RNGTT: variants seen among roughly 807,000 people sequenced by gnomAD.
The protein encoded by RNGTT is RNA guanylyltransferase and 5'-phosphatase, also known as mRNA-capping enzyme.
RNGTT carries 33 observed loss-of-function variants against 79.3 expected under a neutral mutation model. That is an observed-to-expected ratio of 0.42 (90% CI 0.32 to 0.56). The LOEUF (loss-of-function observed/expected upper bound fraction) is 0.56, where lower values mean the gene tolerates loss of function less well. Among genes scored for constraint, RNGTT ranks in the 20% least tolerant of loss-of-function variants. The pLI is 0.17. For missense variants in RNGTT, 497 were observed against 739.1 expected, an observed-to-expected ratio of 0.67 and a Z score of 3.80; for synonymous variants, 222 against 235.9, an observed-to-expected ratio of 0.94 and a Z score of 0.54.
Position 88,895,996 on chromosome 6 carries a change from G to A in RNGTT, c.685-4081C>T, listed in dbSNP as rs536335126. 1.6e-4 allele frequency among the ~76,000 whole-genome samples: 25 copies of A among 152,090 alleles called. No individual in the cohort carries two copies. In the South Asian group the frequency reaches 3.9e-3, roughly 24 times the overall value. ...ACCATTTTCTTGAACACCCCGTACC[G>A]TGTCTCAACTAAAAGCTAGCTCTCC... On this transcript the variant is annotated intron_variant, in intron 6 of 15. Transcript: ENST00000369485.
At chr6:88,699,632 T>C (rs934797007) in intron 13 of RNGTT, among the ~76,000 whole-genome samples, 1 of 152,128 alleles carries the variant, frequency 6.6e-6, no homozygotes, top group Non-Finnish European at 1.5e-5. Context: ...GCCACTGTAC[T>C]CAGGTCTGGG....
intron 8 of RNGTT, among the ~76,000 whole-genome samples, chr6:88,868,226 A>T (rs1379757834): frequency 6.6e-6 from 1 of 152,114 alleles, no homozygotes; most frequent in Admixed American, 6.5e-5. Context: ...AGGTGGTCCT[A>T]AACTTCAAGA....
intron 13 of RNGTT, among the ~76,000 whole-genome samples, chr6:88,736,858 G>C (rs1777304383): frequency 6.6e-6 from 1 of 152,162 alleles, no homozygotes; most frequent in Admixed American, 6.5e-5. Context: ...TATCCTTCAA[G>C]AAAAAGTAAC....
intron 15 of RNGTT, among the ~76,000 whole-genome samples, chr6:88,613,416 G>C (rs2127844748): frequency 6.6e-6 from 1 of 152,292 alleles, no homozygotes; most frequent in African/African-American, 2.4e-5. Flanking sequence ...TTTGGTCTTA[G>C]AAGAAAAGAC....
chr6:88,618,845 T>C (rs570715460), intron 14 of RNGTT, among the ~76,000 whole-genome samples: 12 of 152,342 alleles, frequency 7.9e-5, no homozygotes, highest in Non-Finnish European at 1.6e-4. Context: ...TTGGCATTCA[T>C]CTGTAACTCT....
At chr6:88,771,880 T>A (rs747149177) in intron 12 of RNGTT, among the ~76,000 whole-genome samples, 1 of 152,120 alleles carries the variant, frequency 6.6e-6, no homozygotes, top group Non-Finnish European at 1.5e-5. Context: ...AGGACATTTT[T>A]AAAAACTTAC....
chr6:88,610,372 A>C lies in RNGTT; in HGVS notation c.*2347T>G, dbSNP rs1771978551. On this transcript the variant is annotated 3_prime_UTR_variant, in exon 16 of 16. Coordinates refer to ENST00000369485, the MANE Select transcript of RNGTT (RefSeq NM_003800.5). ...CATTTCACGGAAAGCAAATGTAACC[A>C]TCCACGCAGTAGAGTCATCCACACC... 6.5e-6 allele frequency: 1 copy of C among 152,686 alleles called. No individual in the cohort carries two copies. Among genetic ancestry groups the C allele is most frequent in the South Asian group, 2.1e-4 (1 of 4,836 alleles). The allele number at this position is 152,686 out of a possible 1,614,324, so 9.5% of individuals were successfully genotyped here. A position where few individuals can be genotyped will look rare whatever the true frequency, so the allele number is the denominator to read the frequency against.
chr6:88,929,172 C>A lies in RNGTT; in HGVS notation c.270G>T (p.Gln90His), dbSNP rs36124969. The change falls in exon 3 of 16, where the codon CAG becomes CAT. Residue 90 changes from glutamine to histidine, a missense_variant. By Grantham distance (24) the Gln-to-His change is conservative. Around this residue, in one of 3 missense-constraint regions of RNGTT, gnomAD observed 440 missense variants for 671.5 expected, o/e 0.66. Coordinates refer to ENST00000369485, the MANE Select transcript of RNGTT (RefSeq NM_003800.5). ...CTTAATATATAACTTACCCTTTACA[C>A]TGAAGTTTTATATATTTGATTCCTT... The part of the protein sequence containing the change: ...EKEGIKYIKL[Q>H]CKGHGECPTT... 6.3e-7 allele frequency: 1 copy of A among 1,592,314 alleles called. No individual in the cohort carries two copies. The highest frequency in any genetic ancestry group is 8.6e-7 in the Non-Finnish European group (1 of 1,163,354).
chr6:88,852,780 A>G (rs181556582), intron 9 of RNGTT, among the ~76,000 whole-genome samples: 1 of 152,282 alleles, frequency 6.6e-6, no homozygotes. Context: ...ATTCCAATTC[A>G]TATGGTCTAG....
chr6:88,631,812 T>A (rs970052145), intron 14 of RNGTT, among the ~76,000 whole-genome samples: 1 of 81,432 alleles, frequency 1.2e-5, no homozygotes, highest in African/African-American at 5.1e-5. Flanking sequence ...AGGCTATATA[T>A]ATTTTTTGTT....
intron 4 of RNGTT, among the ~76,000 whole-genome samples, chr6:88,927,239 T>C (rs1277879393): frequency 6.6e-6 from 1 of 152,314 alleles, no homozygotes; most frequent in African/African-American, 2.4e-5. Context: ...AAACATTTAA[T>C]TGGGCAGGCA....
intron 8 of RNGTT, among the ~76,000 whole-genome samples, chr6:88,890,007 T>C (rs1782990235): frequency 6.6e-6 from 1 of 152,052 alleles, no homozygotes; most frequent in Admixed American, 6.5e-5. Context: ...AACTTAGAAA[T>C]ATAAAATTTG....
At chr6:88,710,657 T>C (rs1424175393) in intron 13 of RNGTT, among the ~76,000 whole-genome samples, 3 of 152,174 alleles carry the variant, frequency 2.0e-5, no homozygotes, top group African/African-American at 2.4e-5. Flanking sequence ...CACATTTCCA[T>C]TGAATAATAA....
intron 2 of RNGTT, among the ~76,000 whole-genome samples, chr6:88,929,988 A>G (rs917110127): frequency 6.7e-6 from 1 of 148,784 alleles, no homozygotes; most frequent in African/African-American, 2.5e-5. Flanking sequence ...ATGTGCATAT[A>G]CATGTATACA....
At chr6:88,871,355 T>TG (rs1782349400) in intron 8 of RNGTT, among the ~76,000 whole-genome samples, 6 of 149,078 alleles carry the variant, frequency 4.0e-5, no homozygotes. Flanking sequence ...ATAGCAGAGT[T>TG]TTTTTTTTTT....
intron 1 of RNGTT, among the ~76,000 whole-genome samples, chr6:88,959,272 G>C (rs1439603981): frequency 6.6e-6 from 1 of 152,114 alleles, no homozygotes; most frequent in Non-Finnish European, 1.5e-5. Flanking sequence ...TGAGTGACAG[G>C]TGCACCAAAA....
chr6:88,633,201 G>A (rs1772970772), intron 14 of RNGTT, among the ~76,000 whole-genome samples: 1 of 151,838 alleles, frequency 6.6e-6, no homozygotes, highest in South Asian at 2.1e-4. Context: ...AACAAAACAA[G>A]TCATTTTGTT....
At chr6:88,865,168 T>C (rs1391918207) in intron 8 of RNGTT, among the ~76,000 whole-genome samples, 2 of 151,980 alleles carry the variant, frequency 1.3e-5, no homozygotes, top group African/African-American at 2.4e-5. Flanking sequence ...AGAACAGTGA[T>C]TAATACACAG....
At chr6:88,959,912 C>T (rs1213794475) in intron 1 of RNGTT, among the ~76,000 whole-genome samples, 2 of 152,210 alleles carry the variant, frequency 1.3e-5, no homozygotes, top group Admixed American at 6.5e-5. Flanking sequence ...TATTATCTCT[C>T]CCATCATCAT....
Sources: allele counts gnomAD v4.1 joint callset (sites outside exome capture counted in the v4.1 genomes callset), GRCh38; gene constraint gnomAD v4.1.1; regional missense constraint gnomAD v4.1.1; transcripts MANE v1.5; gene names NCBI Gene and HGNC (gene_info 2026-07-23, HGNC 2026-07-21).